TNIK: variants seen among roughly 807,000 people sequenced by gnomAD.
TNIK encodes TRAF2 and NCK interacting kinase, also known as TRAF2 and NCK-interacting protein kinase.
A neutral mutation model predicts 191.3 loss-of-function variants in TNIK; 49 were observed. The observed-to-expected ratio is 0.26, with a 90% CI of 0.20 to 0.32. TNIK has a LOEUF of 0.32. Ranked by LOEUF, TNIK falls within the 10% of genes least tolerant of loss-of-function variation. The probability of loss-of-function intolerance (pLI) is 1.00; values close to 1 mark genes in which losing one functional copy is unlikely to be tolerated. For synonymous variants in TNIK, 594 were observed against 600.9 expected (o/e 0.99, Z 0.17); for missense variants, 1,155 against 1,702.3 (o/e 0.68, Z 5.66).
In TNIK at chr3:171,351,269, A is replaced by ATGTGTGTGTGTGTG. The variant is rs140083535; in HGVS notation, c.123+18350_123+18351insCACACACACACACA. Among the ~76,000 whole-genome samples, 261 of 147,052 alleles carry ATGTGTGTGTGTGTG rather than the reference A, an allele frequency of 1.8e-3. 3 individuals are homozygous for ATGTGTGTGTGTGTG. Among genetic ancestry groups the ATGTGTGTGTGTGTG allele is most frequent in the African/African-American group, 2.9e-3 (112 of 38,268 alleles). On this transcript the variant is annotated intron_variant, in intron 2 of 32. Coordinates refer to ENST00000436636, the MANE Select transcript of TNIK (RefSeq NM_015028.4). ...AGAGAAAATATATATATATATGTAT[A>ATGTGTGTGTGTGTG]TATGTGTGTGTGTGTGTGTATGAAT...
chr3:171,167,377 G>T, intron 9 of TNIK, 107 bp from the exon 10 acceptor site: 1 of 1,351,126 alleles, frequency 7.4e-7, no homozygotes, highest in Non-Finnish European at 1.0e-6. Flanking sequence ...GGTCCAATTG[G>T]CTGGCATAGG....
chr3:171,290,011 A>AT (rs1751503591), intron 2 of TNIK, among the ~76,000 whole-genome samples: 1 of 152,010 alleles, frequency 6.6e-6, no homozygotes, highest in South Asian at 2.1e-4. Context: ...GCCTCAGTTT[A>AT]TTCCTCTGCA....
intron 17 of TNIK, among the ~76,000 whole-genome samples, chr3:171,124,708 TTTTTC>T (rs1728229826): frequency 6.6e-6 from 1 of 152,196 alleles, no homozygotes; most frequent in South Asian, 2.1e-4. Context: ...TTATTACTAT[TTTTTC>T]TTTTCCTTAC....
rs5854415 is a variant in TNIK, at chr3:171,312,113, T to TAAA, written c.123+57504_123+57506dup. On this transcript the variant is annotated intron_variant, in intron 2 of 32. Coordinates refer to ENST00000436636, the MANE Select transcript of TNIK (RefSeq NM_015028.4). Reference sequence around the variant, plus strand: ...GCTGTCCCTAACGGCAGCTCCAGATTAAAAAAAAAAAAAAAAAAAAAAAAA... The same window carrying TAAA: ...GCTGTCCCTAACGGCAGCTCCAGATTAAAAAAAAAAAAAAAAAAAAAAAAAAAA... 4.3e-3 allele frequency among the ~76,000 whole-genome samples: 96 copies of TAAA among 22,548 alleles called. 29 individuals are homozygous for TAAA. The highest frequency in any genetic ancestry group is 5.6e-3 in the Non-Finnish European group (73 of 13,054). 14.8% of individuals were successfully genotyped at this position (22,548 alleles called of 152,430 possible).
chr3:171,240,427 C>T (rs1744815792), intron 2 of TNIK, among the ~76,000 whole-genome samples: 2 of 152,112 alleles, frequency 1.3e-5, no homozygotes, highest in South Asian at 4.1e-4. Flanking sequence ...AAACAATTAG[C>T]TCACTAGGTT....
chr3:171,351,218 T>C (rs910659805), intron 2 of TNIK, among the ~76,000 whole-genome samples: 10 of 151,524 alleles, frequency 6.6e-5, no homozygotes, highest in Non-Finnish European at 1.3e-4. Flanking sequence ...ATGCAAACTA[T>C]GTTATTTACT....
intron 2 of TNIK, among the ~76,000 whole-genome samples, chr3:171,295,910 TCA>T (rs2108254308): frequency 6.6e-6 from 1 of 152,280 alleles, no homozygotes; most frequent in African/African-American, 2.4e-5. Context: ...CGCCCACAGA[TCA>T]CAGAGGGCCT....
At chr3:171,412,310 G>C (rs2108606738) in intron 1 of TNIK, among the ~76,000 whole-genome samples, 1 of 152,146 alleles carries the variant, frequency 6.6e-6, no homozygotes, top group Non-Finnish European at 1.5e-5. Context: ...GTGGAAACTG[G>C]GTTAAGAAAA....
chr3:171,162,386 T>G (rs902789554), intron 10 of TNIK, among the ~76,000 whole-genome samples: 1 of 152,206 alleles, frequency 6.6e-6, no homozygotes, highest in African/African-American at 2.4e-5. Context: ...ATCGCACCAC[T>G]GCACTCAAGC....
intron 1 of TNIK, among the ~76,000 whole-genome samples, chr3:171,421,121 T>C (rs1024646484): frequency 6.6e-6 from 1 of 152,192 alleles, no homozygotes; most frequent in Admixed American, 6.5e-5. Flanking sequence ...GGTTAGACAG[T>C]AAACTAAGTC....
At chr3:171,196,921 A>C (rs1375992273) in intron 4 of TNIK, among the ~76,000 whole-genome samples, 3 of 151,784 alleles carry the variant, frequency 2.0e-5, no homozygotes, top group South Asian at 4.2e-4. Flanking sequence ...CGCCCGGCTA[A>C]TTTTTTTGTA....
intron 2 of TNIK, among the ~76,000 whole-genome samples, chr3:171,280,726 A>C (rs1405192782): frequency 2.0e-5 from 3 of 152,126 alleles, no homozygotes; most frequent in Non-Finnish European, 4.4e-5. Flanking sequence ...AGCATCCATC[A>C]CTTTAAAAGA....
At chr3:171,266,426 A>C (rs1359624048) in intron 2 of TNIK, among the ~76,000 whole-genome samples, 1 of 152,230 alleles carries the variant, frequency 6.6e-6, no homozygotes, top group East Asian at 1.9e-4. Context: ...TTTCCCTCTC[A>C]GTTTCCTTTC....
Position 171,106,412 on chromosome 3 carries a change from C to T in TNIK, c.2406+771G>A, listed in dbSNP as rs529067493. Among the ~76,000 whole-genome samples, 8 of 152,258 alleles carry T rather than the reference C, an allele frequency of 5.3e-5. No homozygotes were observed. The South Asian group carries it at 1.7e-3, about 32-fold the overall frequency. On this transcript the variant is annotated intron_variant, in intron 21 of 32. Coordinates refer to ENST00000436636, the MANE Select transcript of TNIK (RefSeq NM_015028.4). ...GAATGCAGCTTGCTGACCTCAAAGC[C>T]AGTGCTTTTTCCATTAAATTTCACA...
rs376289631 is a variant in TNIK at position 171,375,253 on chromosome 3, A to G, written c.58-5568T>C. On this transcript the variant is annotated intron_variant, in intron 1 of 32. Coordinates refer to ENST00000436636, the MANE Select transcript of TNIK (RefSeq NM_015028.4). ...ATTTTCTTCCTCCCTTTTCTTTTTC[A>G]TCTTTGAAAATGAGTTCATGTAATA... Among the ~76,000 whole-genome samples the G allele has an allele frequency of 3.3e-5, 5 of 152,096 alleles. No homozygotes were observed. The East Asian group carries it at 5.8e-4, about 18-fold the overall frequency.
At chr3:171,208,613 A>G (rs887521560) in intron 4 of TNIK, among the ~76,000 whole-genome samples, 1 of 151,682 alleles carries the variant, frequency 6.6e-6, no homozygotes, top group Non-Finnish European at 1.5e-5. Flanking sequence ...GCTGGCGTGC[A>G]GTGACACTAT....
At chr3:171,129,036 C>A (rs1323687413) in intron 15 of TNIK, among the ~76,000 whole-genome samples, 158 bp from the exon 16 acceptor site, 1 of 152,122 alleles carries the variant, frequency 6.6e-6, no homozygotes, top group Non-Finnish European at 1.5e-5. Flanking sequence ...CAAGAGTTTG[C>A]AAAGAGCAAA....
intron 1 of TNIK, among the ~76,000 whole-genome samples, chr3:171,416,617 C>T (rs181244905): frequency 1.3e-5 from 2 of 152,292 alleles, no homozygotes; most frequent in Admixed American, 1.3e-4. Flanking sequence ...TTCACCCCTG[C>T]AAGTAATCAT....
chr3:171,131,435 G>C (rs1416437922), intron 15 of TNIK, among the ~76,000 whole-genome samples: 1 of 140,786 alleles, frequency 7.1e-6, no homozygotes, highest in East Asian at 2.4e-4. Flanking sequence ...GATTTGATTA[G>C]TCATGTATAG....
Sources: gnomAD v4.1 joint callset for allele counts (sites outside exome capture counted in the v4.1 genomes callset) on GRCh38, gnomAD v4.1.1 for gene constraint, MANE v1.5 for transcripts, NCBI Gene and HGNC (gene_info 2026-07-23, HGNC 2026-07-21) for gene names.